EPHA5: variants seen among roughly 807,000 people sequenced by gnomAD.
EPHA5 encodes the protein ephrin type-A receptor 5.
A neutral mutation model predicts 105.0 loss-of-function variants in EPHA5; 60 were observed. That is an observed-to-expected ratio of 0.57 (90% CI 0.46 to 0.71). The LOEUF is 0.71. Ranked by LOEUF, EPHA5 falls within the 30% of genes least tolerant of loss-of-function variation. The pLI, the probability that EPHA5 is intolerant of heterozygous loss-of-function variation, is 0.00. For synonymous variants in EPHA5, 513 were observed against 449.1 expected, an observed-to-expected ratio of 1.14 and a Z score of -1.80; for missense variants, 1,218 against 1,274.7, an observed-to-expected ratio of 0.96 and a Z score of 0.68.
intron 1 of EPHA5, among the ~76,000 whole-genome samples, chr4:65,645,533 TTATCAACAGAATTTCA>T: frequency 6.6e-6 from 1 of 152,070 alleles, no homozygotes; most frequent in East Asian, 1.9e-4. Flanking sequence ...ATATGAAGTA[TTATCAACAGAATTTCA>T]GATGGTTTTT....
At chr4:65,545,892 T>C (rs945745686) in intron 3 of EPHA5, among the ~76,000 whole-genome samples, 2 of 151,918 alleles carry the variant, frequency 1.3e-5, no homozygotes, top group African/African-American at 2.4e-5. Flanking sequence ...CACATTTGCA[T>C]GAGTCTATTT....
intron 4 of EPHA5, 149 bp downstream of exon 4, chr4:65,495,239 G>C: frequency 1.3e-6 from 1 of 781,498 alleles, no homozygotes; most frequent in Non-Finnish European, 1.9e-6. Context: ...TATTCAAGGA[G>C]ATTGAAAATT....
chr4:65,431,006 T>C (rs1016876129), intron 5 of EPHA5, among the ~76,000 whole-genome samples: 3 of 152,154 alleles, frequency 2.0e-5, no homozygotes, highest in African/African-American at 7.2e-5. Context: ...ATCAAAGTTT[T>C]ACAACTATTT....
chr4:65,605,255 C>A (rs929988398), intron 2 of EPHA5, among the ~76,000 whole-genome samples: 9 of 152,160 alleles, frequency 5.9e-5, no homozygotes, highest in African/African-American at 2.2e-4. Context: ...CAGCCACATT[C>A]ATCAGAGAAG....
At chr4:65,451,781 A>G (rs1412358635) in intron 5 of EPHA5, among the ~76,000 whole-genome samples, 1 of 152,284 alleles carries the variant, frequency 6.6e-6, no homozygotes, top group East Asian at 1.9e-4. Context: ...GCTATGAGAT[A>G]TGTTTACGAA....
intron 1 of EPHA5, among the ~76,000 whole-genome samples, chr4:65,652,184 T>G (rs1748670204): frequency 6.6e-6 from 1 of 152,172 alleles, no homozygotes; most frequent in African/African-American, 2.4e-5. Flanking sequence ...AGGCTGTTTC[T>G]TTCAAAAACA....
intron 16 of EPHA5, among the ~76,000 whole-genome samples, chr4:65,326,639 A>G (rs1287114188): frequency 1.3e-5 from 2 of 151,474 alleles, no homozygotes; most frequent in African/African-American, 4.8e-5. Context: ...AAAAAGGATG[A>G]AAATTTTTCC....
At chr4:65,664,591 A>G (rs1749812925) in intron 1 of EPHA5, among the ~76,000 whole-genome samples, 1 of 151,940 alleles carries the variant, frequency 6.6e-6, no homozygotes, top group Admixed American at 6.5e-5. Flanking sequence ...ATAAGTATAC[A>G]ACGGACTATA....
At chr4:65,356,023 A>C (rs1287916748) in intron 11 of EPHA5, among the ~76,000 whole-genome samples, 1 of 151,506 alleles carries the variant, frequency 6.6e-6, no homozygotes, top group African/African-American at 2.4e-5. Context: ...ATAAATTGAA[A>C]GAACTGAATT....
chr4:65,394,902 G>A (rs1721069109), intron 8 of EPHA5, among the ~76,000 whole-genome samples: 2 of 151,984 alleles, frequency 1.3e-5, no homozygotes, highest in Non-Finnish European at 2.9e-5. Context: ...TTCTCTGCAG[G>A]TTTTAGCACC....
chr4:65,352,999 T>C, intron 12 of EPHA5, 43 bp downstream of exon 12: 4 of 1,336,326 alleles, frequency 3.0e-6, no homozygotes, highest in South Asian at 1.3e-5. Context: ...CATCACAATA[T>C]ATAAATAACA....
chr4:65,531,483 C>T (rs1353717551), intron 3 of EPHA5, among the ~76,000 whole-genome samples: 4 of 145,782 alleles, frequency 2.7e-5, no homozygotes, highest in South Asian at 4.2e-4. Context: ...GACCATGATC[C>T]AGGAATCTGA....
intron 16 of EPHA5, among the ~76,000 whole-genome samples, chr4:65,325,749 T>G (rs1221944107): frequency 6.6e-6 from 1 of 151,236 alleles, no homozygotes; most frequent in Non-Finnish European, 1.5e-5. Flanking sequence ...TAATCTTGTC[T>G]CTTTTCAACT....
At chr4:65,619,615 C>T (rs1480592184) in intron 2 of EPHA5, among the ~76,000 whole-genome samples, 1 of 151,918 alleles carries the variant, frequency 6.6e-6, no homozygotes, top group Admixed American at 6.5e-5. Flanking sequence ...CTTTTTTTCT[C>T]TTTAAACCAT....
intron 16 of EPHA5, among the ~76,000 whole-genome samples, chr4:65,324,723 C>T (rs891890269): frequency 7.0e-6 from 1 of 142,734 alleles, no homozygotes; most frequent in African/African-American, 2.6e-5. Context: ...CACTACATTG[C>T]TTTTATAACA....
At position 65,405,744 on chromosome 4, in the gene EPHA5, G is replaced by A. The variant is rs28433888; in HGVS notation, c.1688-1265C>T. 8.6e-3 allele frequency among the ~76,000 whole-genome samples: 1,312 copies of A among 152,122 alleles called. 20 individuals are homozygous for A. The highest frequency in any genetic ancestry group is 0.029 in the African/African-American group (1,223 of 41,490). On this transcript the variant is annotated intron_variant, in intron 7 of 16. Transcript: ENST00000613740. ...ATTACCCTGTTTTCTCCTAGTCTCT[G>A]ACGCTAAGGTCTATGGTAAGAAATT...
At chr4:65,609,865 CA>C (rs985560587) in intron 2 of EPHA5, among the ~76,000 whole-genome samples, 59 of 150,216 alleles carry the variant, frequency 3.9e-4, no homozygotes, top group South Asian at 2.1e-4. Context: ...AATATGCAAA[CA>C]AAAAAAACCC....
chr4:65,495,416 C>T lies in EPHA5; in HGVS notation c.1038G>A (p.Glu346=), dbSNP rs2149225589. 1 of 1,613,542 alleles carries T rather than the reference C, an allele frequency of 6.2e-7. No individual in the cohort carries two copies. The change falls in exon 4 of 17, where the codon GAG becomes GAA. Residue 346 remains glutamate, a synonymous_variant. Transcript: ENST00000613740. ...TGCATGCCATTGTGGGTGGATCAGACTCTCTCCTGAAATAATCCTTTTCAC... is the reference window on the plus strand; with the variant it reads ...TGCATGCCATTGTGGGTGGATCAGATTCTCTCCTGAAATAATCCTTTTCAC... ...CVCEKDYFRR[E]SDPPTMACTR... is the part of the protein sequence containing the mutation.
intron 15 of EPHA5, among the ~76,000 whole-genome samples, chr4:65,332,364 A>C (rs2148800558): frequency 6.6e-6 from 1 of 151,996 alleles, no homozygotes; most frequent in South Asian, 2.1e-4. Flanking sequence ...AGACTTACTA[A>C]TAAGTAAATT....
Sources: gnomAD v4.1 joint callset for allele counts (sites outside exome capture counted in the v4.1 genomes callset) on GRCh38, gnomAD v4.1.1 for gene constraint, MANE v1.5 for transcripts, NCBI Gene and HGNC (gene_info 2026-07-23, HGNC 2026-07-21) for gene names.